DLGAP2: variants seen among roughly 807,000 people sequenced by gnomAD.
DLGAP2 encodes DLG associated protein 2, also known as disks large-associated protein 2.
DLGAP2 carries 26 observed loss-of-function variants against 100.3 expected under a neutral mutation model. The ratio of observed to expected loss-of-function variants is 0.26; its 90% CI spans 0.19 to 0.36. The LOEUF (loss-of-function observed/expected upper bound fraction) is 0.36. Among genes scored for constraint, DLGAP2 ranks in the 10% least tolerant of loss-of-function variants. DLGAP2 has a pLI of 1.00. For synonymous variants in DLGAP2, 886 were observed against 630.1 expected (o/e 1.41, Z -6.08); for missense variants, 1,858 against 1,453.2 (o/e 1.28, Z -4.53).
intron 3 of DLGAP2, among the ~76,000 whole-genome samples, chr8:1,286,351 G>A (rs557774796): frequency 3.9e-5 from 6 of 152,286 alleles, no homozygotes; most frequent in African/African-American, 1.4e-4. Flanking sequence ...GTTCTTTATA[G>A]CAGTGTGACA....
intron 2 of DLGAP2, among the ~76,000 whole-genome samples, chr8:935,653 A>C (rs1799054039): frequency 6.6e-6 from 1 of 152,066 alleles, no homozygotes; most frequent in Admixed American, 6.6e-5. Flanking sequence ...GGTGTGCCTC[A>C]GTCGTGTTCT....
chr8:1,182,539 A>C (rs548280437), intron 2 of DLGAP2, among the ~76,000 whole-genome samples: 1 of 152,128 alleles, frequency 6.6e-6, no homozygotes, highest in East Asian at 1.9e-4. Context: ...TGTGATGTCT[A>C]TGTGAGATGC....
intron 2 of DLGAP2, among the ~76,000 whole-genome samples, chr8:1,118,767 C>G (rs527749851): frequency 5.3e-5 from 8 of 152,278 alleles, no homozygotes; most frequent in African/African-American, 1.4e-4. Flanking sequence ...TGAATCTGAA[C>G]TAAATTAAAT....
chr8:1,160,772 C>T (rs1478594557), intron 2 of DLGAP2, among the ~76,000 whole-genome samples: 10 of 152,166 alleles, frequency 6.6e-5, no homozygotes, highest in Non-Finnish European at 1.3e-4. Flanking sequence ...CAAAGCCTGG[C>T]GAGGAAGGCG....
chr8:1,529,302 C>A (rs917098370), intron 4 of DLGAP2, among the ~76,000 whole-genome samples: 1 of 152,200 alleles, frequency 6.6e-6, no homozygotes, highest in Non-Finnish European at 1.5e-5. Flanking sequence ...CCCCAGGATT[C>A]AATGACCTCC....
chr8:1,580,972 C>G (rs1360339204), intron 6 of DLGAP2, among the ~76,000 whole-genome samples: 1 of 150,494 alleles, frequency 6.6e-6, no homozygotes, highest in East Asian at 2.0e-4. Flanking sequence ...ACACACACCA[C>G]AAACTACCAG....
chr8:1,540,763 C>T (rs1801336008), intron 4 of DLGAP2, among the ~76,000 whole-genome samples: 1 of 152,242 alleles, frequency 6.6e-6, no homozygotes, highest in Non-Finnish European at 1.5e-5. Context: ...CTGCCTGTAC[C>T]TTCTGGAAAT....
chr8:830,938 C>G (rs1200414465), intron 1 of DLGAP2, among the ~76,000 whole-genome samples: 1 of 147,596 alleles, frequency 6.8e-6, no homozygotes, highest in Non-Finnish European at 1.5e-5. Context: ...TTCTGTCACC[C>G]AGGCTGGAGG....
At chr8:1,490,534 G>A (rs893296564) in intron 3 of DLGAP2, among the ~76,000 whole-genome samples, 10 of 152,358 alleles carry the variant, frequency 6.6e-5, no homozygotes, top group African/African-American at 1.7e-4. Context: ...TTCTGTGTTC[G>A]TGTGGAAAGA....
At chr8:1,007,382 C>T (rs1481757759) in intron 2 of DLGAP2, among the ~76,000 whole-genome samples, 1 of 152,218 alleles carries the variant, frequency 6.6e-6, no homozygotes, top group Admixed American at 6.5e-5. Flanking sequence ...GGGAGTGAAG[C>T]AGAAGGAAGA....
At chr8:1,484,265 T>A (rs922813103) in intron 3 of DLGAP2, among the ~76,000 whole-genome samples, 1 of 152,254 alleles carries the variant, frequency 6.6e-6, no homozygotes, top group Non-Finnish European at 1.5e-5. Context: ...TTGTCAGCAG[T>A]CAGACCCGTA....
At chr8:1,008,253 G>A (rs1801177758) in intron 2 of DLGAP2, among the ~76,000 whole-genome samples, 1 of 152,130 alleles carries the variant, frequency 6.6e-6, no homozygotes, top group Admixed American at 6.6e-5. Flanking sequence ...ACAAAAACAG[G>A]CCATTTGAAA....
At chr8:806,774 C>T (rs1796278433) in intron 1 of DLGAP2, among the ~76,000 whole-genome samples, 1 of 152,204 alleles carries the variant, frequency 6.6e-6, no homozygotes, top group East Asian at 1.9e-4. Context: ...TACTCAATTA[C>T]AATTTGAAAT....
chr8:1,282,967 G>A (rs1220442207), intron 3 of DLGAP2, among the ~76,000 whole-genome samples: 1 of 126,518 alleles, frequency 7.9e-6, no homozygotes, highest in Non-Finnish European at 1.7e-5. Flanking sequence ...TGAACCATCT[G>A]GACGTGGTGT....
chr8:889,218 C>T (rs926675777), intron 1 of DLGAP2, among the ~76,000 whole-genome samples: 27 of 152,160 alleles, frequency 1.8e-4, no homozygotes, highest in African/African-American at 6.3e-4. Context: ...AGGCAGGAAC[C>T]GGCCATGTGG....
chr8:1,466,393 TG>T (rs1349125426), intron 3 of DLGAP2, among the ~76,000 whole-genome samples: 2 of 152,098 alleles, frequency 1.3e-5, no homozygotes, highest in African/African-American at 2.4e-5. Flanking sequence ...TTTCCTCTTT[TG>T]GGCTGGAAAT....
At chr8:1,595,564 G>T (rs1370281323) in intron 6 of DLGAP2, among the ~76,000 whole-genome samples, 2 of 150,876 alleles carry the variant, frequency 1.3e-5, no homozygotes, top group Non-Finnish European at 3.0e-5. Context: ...CTACTCGGGA[G>T]GCTGAGGCAG....
chr8:937,559 G>C (rs969881228), intron 2 of DLGAP2, among the ~76,000 whole-genome samples: 1 of 152,184 alleles, frequency 6.6e-6, no homozygotes, highest in African/African-American at 2.4e-5. Flanking sequence ...ATTTATCAGA[G>C]AGAGAGCAAT....
intron 1 of DLGAP2, among the ~76,000 whole-genome samples, chr8:842,736 C>T (rs957350989): frequency 7.2e-5 from 11 of 151,974 alleles, no homozygotes; most frequent in Non-Finnish European, 1.6e-4. Flanking sequence ...TGGGGATTTT[C>T]TTCTTTTTTC....
Sources: allele counts gnomAD v4.1 joint callset (sites outside exome capture counted in the v4.1 genomes callset), GRCh38; gene constraint gnomAD v4.1.1; transcripts MANE v1.5; gene names NCBI Gene and HGNC (gene_info 2026-07-23, HGNC 2026-07-21).